PIEZO2: variants seen among roughly 807,000 people sequenced by gnomAD.
PIEZO2 encodes piezo type mechanosensitive ion channel component 2.
PIEZO2 carries 172 observed loss-of-function variants against 337.3 expected under a neutral mutation model. The observed-to-expected ratio is 0.51, with a 90% CI of 0.45 to 0.58. PIEZO2 has a LOEUF of 0.58. Ranked by LOEUF, PIEZO2 falls within the 20% of genes least tolerant of loss-of-function variation. The probability of loss-of-function intolerance (pLI) is 0.00; values close to 1 mark genes in which losing one functional copy is unlikely to be tolerated. For missense variants in PIEZO2, 3,028 were observed against 3,391.3 expected, an observed-to-expected ratio of 0.89 and a Z score of 2.66; for synonymous variants, 1,251 against 1,228.5, an observed-to-expected ratio of 1.02 and a Z score of -0.38.
In PIEZO2 at chr18:10,705,371, G is replaced by A. The variant is rs547158235; in HGVS notation, c.5964C>T (p.Thr1988=). ...GCAGCTCGCTGGCCGTCAGCTCATG[G>A]GTCAGGGGAGGTAAGATGCTGGACC... is the stretch of plus-strand genomic sequence containing the variant. The part of the protein sequence containing the change: ...KLGSSILPPL[T]HELTASELLL... Residue 1988 remains threonine, a synonymous_variant, in exon 41 of 56, where the codon ACC becomes ACT. Transcript: ENST00000674853. The A allele has an allele frequency of 6.5e-7, 1 of 1,537,038 alleles. No individual in the cohort carries two copies. Among genetic ancestry groups the A allele is most frequent in the African/African-American group, 1.4e-5 (1 of 73,162 alleles).
chr18:10,879,662 T>G (rs1163864075), intron 4 of PIEZO2, among the ~76,000 whole-genome samples: 2 of 152,210 alleles, frequency 1.3e-5, no homozygotes, highest in Non-Finnish European at 2.9e-5. Context: ...CCCAAAGTGC[T>G]GGGATTACAG....
chr18:10,763,070 A>G lies in PIEZO2; in HGVS notation c.2975T>C (p.Ile992Thr), dbSNP rs1473412430. ...EVSLFNYVFL[I>T]SWAFALPYAK... ...GTACGGCAGAGCAAAAGCCCAAGAA[A>G]TCAAAAATACATAGTTGAACAGAGA... The change falls in exon 22 of 56, where the codon ATT (isoleucine) becomes ACT (threonine). Residue 992 changes from isoleucine to threonine, a missense_variant. By Grantham distance (89) the Ile-to-Thr change is moderately conservative. This residue lies in a region of PIEZO2 where 1,925 missense variants were observed against 2,051.9 expected (regional missense o/e 0.94). Coordinates refer to ENST00000674853, the MANE Select transcript of PIEZO2 (RefSeq NM_001378183.1). 2.6e-6 allele frequency: 4 copies of G among 1,537,370 alleles called. No homozygotes were observed. The highest frequency in any genetic ancestry group is 3.5e-6 in the Non-Finnish European group (4 of 1,146,940).
At chr18:10,951,856 G>A (rs1019303582) in intron 3 of PIEZO2, among the ~76,000 whole-genome samples, 1 of 152,160 alleles carries the variant, frequency 6.6e-6, no homozygotes, top group African/African-American at 2.4e-5. Flanking sequence ...GGGGACAAGA[G>A]TGTGCCAAAA....
At chr18:10,801,815 G>A (rs187316790) in intron 9 of PIEZO2, among the ~76,000 whole-genome samples, 16 of 152,196 alleles carry the variant, frequency 1.1e-4, no homozygotes, top group Non-Finnish European at 1.9e-4. Flanking sequence ...GGCTCGGCGC[G>A]GTAGCTCACG....
At chr18:10,864,109 T>A (rs1429395667) in intron 5 of PIEZO2, among the ~76,000 whole-genome samples, 1 of 152,242 alleles carries the variant, frequency 6.6e-6, no homozygotes, top group Non-Finnish European at 1.5e-5. Context: ...AGAACCCATA[T>A]AATTACTTGT....
In PIEZO2 at chr18:11,143,621, ACACACAC is replaced by A. The variant is rs2040718893; in HGVS notation, c.64+4897_64+4903del. ...CTCTAACACACACACACACACACAC[ACACACAC>A]ACACACACACACTCTCTCTCTCTCT... On this transcript the variant is annotated intron_variant, in intron 1 of 55. Coordinates refer to ENST00000674853, the MANE Select transcript of PIEZO2 (RefSeq NM_001378183.1). The surrounding 1 kb of genome is among the most constrained non-coding windows in gnomAD (Gnocchi z 4.9). 1.3e-4 allele frequency among the ~76,000 whole-genome samples: 19 copies of A among 142,942 alleles called. No homozygotes were observed. The highest frequency in any genetic ancestry group is 1.0e-4 in the Non-Finnish European group (7 of 66,910). The allele number at this position is 142,942 out of a possible 152,430, so 93.8% of individuals were successfully genotyped here.
chr18:10,982,874 C>T lies in PIEZO2; in HGVS notation c.161-3214G>A, dbSNP rs137926251. Among the ~76,000 whole-genome samples, 453 of 152,102 alleles carry T rather than the reference C, an allele frequency of 3.0e-3. 1 individual carries two copies. Among genetic ancestry groups the T allele is most frequent in the African/African-American group, 0.01 (428 of 41,498 alleles). On this transcript the variant is annotated intron_variant, in intron 2 of 55. Transcript: ENST00000674853. The surrounding 1 kb of genome is among the most constrained non-coding windows in gnomAD (Gnocchi z 4.1). ...TAGCTGGCATTACAGGCGTGCACTA[C>T]CAAACCTGACTAATTTTTGTATTTT...
In PIEZO2 at chr18:10,748,440, A is replaced by C; in HGVS notation, c.4424+31T>G. 6.5e-7 allele frequency: 1 copy of C among 1,533,918 alleles called. No homozygotes were observed. The highest frequency in any genetic ancestry group is 2.4e-5 in the East Asian group (1 of 40,846). On this transcript the variant is annotated intron_variant, in intron 30 of 55. Coordinates refer to ENST00000674853, the MANE Select transcript of PIEZO2 (RefSeq NM_001378183.1). This position sits in a 1 kb window ranked among gnomAD's most constrained non-coding sequence, Gnocchi z 5.1. ...TATTATTTCAGGCAAGTTTCCTGGG[A>C]GAAACCACCTGATTTCATGGCCTGA... is the stretch of plus-strand genomic sequence containing the variant.
rs2039809418 is a variant in PIEZO2 at position 10,801,374 on chromosome 18, C to T, written c.1239+16G>A. 1 of 1,471,716 alleles carries T rather than the reference C, an allele frequency of 6.8e-7. No homozygotes were observed. The highest frequency in any genetic ancestry group is 9.2e-7 in the Non-Finnish European group (1 of 1,087,432). 91.2% of individuals were successfully genotyped at this position (1,471,716 alleles called of 1,614,324 possible). A position where few individuals can be genotyped will look rare whatever the true frequency, so the allele number is the denominator to read the frequency against. On this transcript the variant is annotated intron_variant, in intron 10 of 55. Transcript: ENST00000674853. ...ACTTACACATGCATAAATGATAATT[C>T]TAAGGGTATACTAACATCAGATGGT... is the stretch of plus-strand genomic sequence containing the variant.
At chr18:11,005,014 A>G (rs2035670350) in intron 2 of PIEZO2, among the ~76,000 whole-genome samples, 1 of 152,242 alleles carries the variant, frequency 6.6e-6, no homozygotes, top group Non-Finnish European at 1.5e-5. Flanking sequence ...CAATAATGAA[A>G]AAAGGTGATC....
Position 11,099,573 on chromosome 18 carries a change from T to TC in PIEZO2, c.65-33352dup, listed in dbSNP as rs577094364. ...CCTCTGCCTCCAGGGTTCAAATGAT[T>TC]CTCTGGCCTTAGCCTCCCGAGTAGC... On this transcript the variant is annotated intron_variant, in intron 1 of 55. Transcript: ENST00000674853. This position sits in a 1 kb window ranked among gnomAD's most constrained non-coding sequence, Gnocchi z 5.4. Among the ~76,000 whole-genome samples, 320 of 152,320 alleles carry TC rather than the reference T, an allele frequency of 2.1e-3. No individual in the cohort carries two copies. The highest frequency in any genetic ancestry group is 7.4e-3 in the African/African-American group (308 of 41,594).
At chr18:10,789,755 C>T (rs1336623357) in intron 14 of PIEZO2, among the ~76,000 whole-genome samples, 1 of 152,072 alleles carries the variant, frequency 6.6e-6, no homozygotes, top group Admixed American at 6.6e-5. Context: ...TAGTACTTTA[C>T]TAAATGTGGT....
In PIEZO2 at chr18:10,993,806, C is replaced by T. The variant is rs1056345554; in HGVS notation, c.161-14146G>A. ...CCTCCCAAAGTGCTGGGATTACAGG[C>T]GTGAGCCACCGCTCCTGGCCATGTC... is the stretch of plus-strand genomic sequence containing the variant. On this transcript the variant is annotated intron_variant, in intron 2 of 55. Transcript: ENST00000674853. This position sits in a 1 kb window ranked among gnomAD's most constrained non-coding sequence, Gnocchi z 5.0. Among the ~76,000 whole-genome samples, 6 of 152,036 alleles carry T rather than the reference C, an allele frequency of 3.9e-5. No homozygotes were observed. The highest frequency in any genetic ancestry group is 9.7e-5 in the African/African-American group (4 of 41,410).
chr18:10,880,864 T>C (rs1156627978), intron 4 of PIEZO2, among the ~76,000 whole-genome samples: 3 of 42,322 alleles, frequency 7.1e-5, no homozygotes, highest in African/African-American at 9.5e-5. Flanking sequence ...TATATATATA[T>C]ATATATATAT....
intron 43 of PIEZO2, 119 bp from the exon 44 acceptor site, chr18:10,699,296 T>A: frequency 1.5e-6 from 2 of 1,366,148 alleles, no homozygotes; most frequent in Non-Finnish European, 2.0e-6. Flanking sequence ...CAAGATGATA[T>A]GGTTTGGCTG....
chr18:10,759,436 A>G lies in PIEZO2; in HGVS notation c.3757+46T>C, dbSNP rs1033705563. On this transcript the variant is annotated intron_variant, in intron 26 of 55. Transcript: ENST00000674853. This position sits in a 1 kb window ranked among gnomAD's most constrained non-coding sequence, Gnocchi z 5.5. Reference sequence around the variant, plus strand: ...TAGCACGTGAACAATGATTAACAGTAAACCCGGATACCAGCACTCTGTGGC... The same window carrying G: ...TAGCACGTGAACAATGATTAACAGTGAACCCGGATACCAGCACTCTGTGGC... 8.2e-6 allele frequency: 12 copies of G among 1,464,208 alleles called. No homozygotes were observed. Among genetic ancestry groups the G allele is most frequent in the Middle Eastern group, 2.2e-4 (1 of 4,590 alleles). The allele number at this position is 1,464,208 out of a possible 1,614,324, so 90.7% of individuals were successfully genotyped here. A position where few individuals can be genotyped will look rare whatever the true frequency, so the allele number is the denominator to read the frequency against.
In PIEZO2 at chr18:10,682,796, A is replaced by C. The variant is rs528510567; in HGVS notation, c.7498-504T>G. Among the ~76,000 whole-genome samples the C allele has an allele frequency of 1.1e-5, 1 of 91,416 alleles. No individual in the cohort carries two copies. Among genetic ancestry groups the C allele is most frequent in the South Asian group, 4.2e-4 (1 of 2,374 alleles). 60.0% of individuals were successfully genotyped at this position (91,416 alleles called of 152,430 possible). Reference sequence around the variant, plus strand: ...GTTGTTAAAGACAATGTTGTTCGACACCTAAGGTAAGATTTGTATGATTAG... The same window carrying C: ...GTTGTTAAAGACAATGTTGTTCGACCCCTAAGGTAAGATTTGTATGATTAG... On this transcript the variant is annotated intron_variant, in intron 49 of 55. Coordinates refer to ENST00000674853, the MANE Select transcript of PIEZO2 (RefSeq NM_001378183.1). The surrounding 1 kb of genome is among the most constrained non-coding windows in gnomAD (Gnocchi z 5.6).
Position 11,080,785 on chromosome 18 carries a change from G to A in PIEZO2, c.65-14563C>T, listed in dbSNP as rs766141629. Among the ~76,000 whole-genome samples the A allele has an allele frequency of 9.9e-5, 15 of 152,092 alleles. No individual in the cohort carries two copies. Among genetic ancestry groups the A allele is most frequent in the South Asian group, 2.1e-4 (1 of 4,820 alleles). The stretch of plus-strand genomic sequence containing the variant: ...CTTGAACTCGGGAGGCGGAGGTCAC[G>A]GTGAGCCAAGATGGTGCCACTGCAC... On this transcript the variant is annotated intron_variant, in intron 1 of 55. Coordinates refer to ENST00000674853, the MANE Select transcript of PIEZO2 (RefSeq NM_001378183.1). This position sits in a 1 kb window ranked among gnomAD's most constrained non-coding sequence, Gnocchi z 5.4.
chr18:10,754,399 C>T (rs544530459), intron 27 of PIEZO2, among the ~76,000 whole-genome samples: 57 of 152,284 alleles, frequency 3.7e-4, no homozygotes, highest in African/African-American at 1.3e-3. Flanking sequence ...CAAGCATGTG[C>T]GCTGGCTTCC....
Sources: allele counts gnomAD v4.1 joint callset (sites outside exome capture counted in the v4.1 genomes callset), GRCh38; gene constraint gnomAD v4.1.1; regional missense constraint gnomAD v4.1.1; non-coding constraint Gnocchi (gnomAD v3.1); transcripts MANE v1.5; gene names NCBI Gene and HGNC (gene_info 2026-07-23, HGNC 2026-07-21).